KCNT2: variants seen among roughly 807,000 people sequenced by gnomAD.
KCNT2 encodes potassium channel subfamily T member 2.
In KCNT2, 67 loss-of-function variants were observed where a neutral mutation model predicts 153.8. The ratio of observed to expected loss-of-function variants is 0.44; its 90% CI spans 0.36 to 0.53. The LOEUF (loss-of-function observed/expected upper bound fraction) is 0.53. Ranked by LOEUF, KCNT2 falls within the 20% of genes least tolerant of loss-of-function variation. The pLI is 0.00. For missense variants in KCNT2, 975 were observed against 1,354.8 expected, an observed-to-expected ratio of 0.72 and a Z score of 4.40; for synonymous variants, 500 against 458.8, an observed-to-expected ratio of 1.09 and a Z score of -1.15.
intron 12 of KCNT2, among the ~76,000 whole-genome samples, chr1:196,422,505 A>G (rs1436936120): frequency 2.0e-5 from 3 of 152,128 alleles, no homozygotes; most frequent in African/African-American, 7.2e-5. Context: ...AATTTAATTT[A>G]AAGTTTGATA....
At chr1:196,391,761 T>G (rs1386281712) in intron 13 of KCNT2, among the ~76,000 whole-genome samples, 1 of 151,338 alleles carries the variant, frequency 6.6e-6, no homozygotes, top group East Asian at 1.9e-4. Context: ...TGGATAATGG[T>G]TATATATACC....
intron 2 of KCNT2, among the ~76,000 whole-genome samples, chr1:196,491,197 G>C (rs1679832381): frequency 6.6e-6 from 1 of 151,906 alleles, no homozygotes; most frequent in African/African-American, 2.4e-5. Context: ...TGAAATAAGG[G>C]AAACTATTCA....
At chr1:196,568,028 T>G (rs1258649027) in intron 1 of KCNT2, among the ~76,000 whole-genome samples, 1 of 152,156 alleles carries the variant, frequency 6.6e-6, no homozygotes, top group Admixed American at 6.5e-5. Context: ...AGACTTGATC[T>G]CAACTGGGTT....
At chr1:196,261,731 AT>A (rs892555229) in intron 25 of KCNT2, among the ~76,000 whole-genome samples, 11 of 151,952 alleles carry the variant, frequency 7.2e-5, no homozygotes, top group Admixed American at 7.2e-4. Flanking sequence ...GAAAGTGAAT[AT>A]TTTTCATTCT....
At chr1:196,402,797 T>C (rs1014879365) in intron 12 of KCNT2, among the ~76,000 whole-genome samples, 3 of 151,576 alleles carry the variant, frequency 2.0e-5, no homozygotes, top group Non-Finnish European at 3.0e-5. Flanking sequence ...AAAGAACGTA[T>C]ACAGATTAGA....
intron 1 of KCNT2, among the ~76,000 whole-genome samples, chr1:196,572,542 T>A (rs992478873): frequency 6.6e-6 from 1 of 151,982 alleles, no homozygotes; most frequent in African/African-American, 2.4e-5. Flanking sequence ...ACTGCATACG[T>A]TTTGCCATTT....
chr1:196,560,271 A>G (rs1659207553), intron 1 of KCNT2, among the ~76,000 whole-genome samples: 1 of 151,920 alleles, frequency 6.6e-6, no homozygotes, highest in African/African-American at 2.4e-5. Flanking sequence ...AGGTAAAGGG[A>G]ACGGTGAAGC....
chr1:196,524,061 C>G (rs1028511480), intron 1 of KCNT2, among the ~76,000 whole-genome samples: 2 of 152,096 alleles, frequency 1.3e-5, no homozygotes, highest in Admixed American at 6.5e-5. Context: ...TTCCCAAAAA[C>G]GAACAAGCTG....
intron 26 of KCNT2, among the ~76,000 whole-genome samples, chr1:196,238,191 T>C (rs144544432): frequency 6.6e-6 from 1 of 151,924 alleles, no homozygotes; most frequent in African/African-American, 2.4e-5. Flanking sequence ...CCTTGATTAT[T>C]AACAGGATAT....
intron 13 of KCNT2, among the ~76,000 whole-genome samples, chr1:196,393,044 C>T (rs564187017): frequency 6.6e-6 from 1 of 151,332 alleles, no homozygotes; most frequent in Non-Finnish European, 1.5e-5. Context: ...TTCTCCTTTT[C>T]GTGAACAAAT....
chr1:196,259,709 T>G (rs529883760), intron 25 of KCNT2: 1 of 151,986 alleles, frequency 6.6e-6, no homozygotes, highest in African/African-American at 2.4e-5. Context: ...TCTCTCACAC[T>G]TAATTTCATC....
intron 1 of KCNT2, among the ~76,000 whole-genome samples, chr1:196,545,625 A>G (rs1025685005): frequency 2.0e-5 from 3 of 152,026 alleles, no homozygotes; most frequent in African/African-American, 7.2e-5. Flanking sequence ...GTGCATTAAC[A>G]GAGTCATGCA....
chr1:196,512,128 G>C (rs1348378592), intron 1 of KCNT2, among the ~76,000 whole-genome samples: 2 of 152,058 alleles, frequency 1.3e-5, no homozygotes, highest in Non-Finnish European at 2.9e-5. Flanking sequence ...AGGCACAGTT[G>C]ATCATTTCAT....
chr1:196,446,585 A>C (rs1450650007), intron 8 of KCNT2, among the ~76,000 whole-genome samples: 6 of 151,414 alleles, frequency 4.0e-5, no homozygotes, highest in South Asian at 2.1e-4. Flanking sequence ...AATTACCCCC[A>C]ACTTTGTGGA....
intron 22 of KCNT2, among the ~76,000 whole-genome samples, chr1:196,286,652 C>T (rs1659693222): frequency 4.6e-5 from 7 of 151,580 alleles, no homozygotes; most frequent in Admixed American, 4.6e-4. Context: ...CACACACACA[C>T]ACACACACAC....
At chr1:196,240,854 T>C (rs1209034155) in intron 26 of KCNT2, among the ~76,000 whole-genome samples, 1 of 152,096 alleles carries the variant, frequency 6.6e-6, no homozygotes, top group African/African-American at 2.4e-5. Context: ...TTACATTAAA[T>C]ATATCACTTT....
At chr1:196,355,679 C>G (rs1438292403) in intron 14 of KCNT2, among the ~76,000 whole-genome samples, 2 of 151,656 alleles carry the variant, frequency 1.3e-5, no homozygotes, top group Non-Finnish European at 3.0e-5. Context: ...CCTGTTACCA[C>G]CACACACAAA....
intron 26 of KCNT2, among the ~76,000 whole-genome samples, chr1:196,251,425 A>G (rs1655962713): frequency 6.6e-6 from 1 of 152,062 alleles, no homozygotes. Context: ...CTGAGCTGAA[A>G]AAAGAATGAG....
rs993054186 is a variant in KCNT2 at position 196,316,966 on chromosome 1, G to T, written c.2349-940C>A. ...AGAAAAGATAGGTTAATTGATTTCC[G>T]TATCTTCTGATTTATAATAGGATGT... On this transcript the variant is annotated intron_variant, in intron 20 of 27. Coordinates refer to ENST00000294725, the MANE Select transcript of KCNT2 (RefSeq NM_198503.5). 9.2e-5 allele frequency among the ~76,000 whole-genome samples: 14 copies of T among 151,642 alleles called. No individual in the cohort carries two copies. The Admixed American group carries it at 9.2e-4, about 10-fold the overall frequency.
Sources: allele counts gnomAD v4.1 joint callset (sites outside exome capture counted in the v4.1 genomes callset), GRCh38; gene constraint gnomAD v4.1.1; transcripts MANE v1.5; gene names NCBI Gene and HGNC (gene_info 2026-07-23, HGNC 2026-07-21).